SLC25A48: variants seen among roughly 807,000 people sequenced by gnomAD.
SLC25A48 encodes the protein solute carrier family 25 member 48, also known as CTC-321K16.1.
SLC25A48 carries 29 observed loss-of-function variants against 32.2 expected under a neutral mutation model. The observed-to-expected ratio is 0.90, with a 90% CI of 0.67 to 1.23. The LOEUF (loss-of-function observed/expected upper bound fraction) is 1.23. SLC25A48 is among the 50% of genes most tolerant of loss of function. The pLI, the probability that SLC25A48 is intolerant of heterozygous loss-of-function variation, is 0.00. For synonymous variants in SLC25A48, 164 were observed against 172.3 expected (o/e 0.95, Z 0.38); for missense variants, 399 against 422.7 (o/e 0.94, Z 0.49).
At chr5:135,675,923 G>A (rs1753759073) in intron 3 of SLC25A48, among the ~76,000 whole-genome samples, 2 of 151,728 alleles carry the variant, frequency 1.3e-5, no homozygotes, top group African/African-American at 4.8e-5. Context: ...TCACTTCCTT[G>A]GTTAAATTTA....
chr5:135,583,357 C>T (rs1432513380), intron 1 of SLC25A48, among the ~76,000 whole-genome samples: 1 of 152,008 alleles, frequency 6.6e-6, no homozygotes, highest in Non-Finnish European at 1.5e-5. Flanking sequence ...TGGGCACTAC[C>T]TCCTTGGTCT....
chr5:135,631,262 G>A (rs926780208), intron 2 of SLC25A48, among the ~76,000 whole-genome samples: 1 of 152,176 alleles, frequency 6.6e-6, no homozygotes, highest in Non-Finnish European at 1.5e-5. Flanking sequence ...TCTGTAAGAG[G>A]GGCTTCTTCA....
chr5:135,754,492 G>A, intron 3 of SLC25A48, among the ~76,000 whole-genome samples: 1 of 151,748 alleles, frequency 6.6e-6, no homozygotes, highest in East Asian at 1.9e-4. Flanking sequence ...TACACACTGT[G>A]ATATTAATAA....
At chr5:135,776,080 G>A (rs1299824702) in intron 3 of SLC25A48, among the ~76,000 whole-genome samples, 1 of 151,768 alleles carries the variant, frequency 6.6e-6, no homozygotes, top group Non-Finnish European at 1.5e-5. Flanking sequence ...TATCGCAGAA[G>A]GTGTACACGT....
intron 3 of SLC25A48, among the ~76,000 whole-genome samples, chr5:135,755,716 C>T (rs73789136): frequency 0.021 from 3,203 of 151,432 alleles, 123 homozygotes; most frequent in African/African-American, 0.074. Flanking sequence ...CTAGTGTCAA[C>T]GCACTATCTT....
intron 2 of SLC25A48, among the ~76,000 whole-genome samples, chr5:135,846,169 TGAGA>T (rs1224083135): frequency 2.1e-4 from 32 of 152,350 alleles, no homozygotes; most frequent in Non-Finnish European, 3.1e-4. Context: ...CCGCTCTTTA[TGAGA>T]ATCTGATGCC....
At chr5:135,594,477 G>GCACTTGATC (rs1367040455) in intron 1 of SLC25A48, among the ~76,000 whole-genome samples, 2 of 152,156 alleles carry the variant, frequency 1.3e-5, no homozygotes, top group African/African-American at 2.4e-5. Context: ...GTGACTTCTG[G>GCACTTGATC]CACTTGATCT....
chr5:135,592,196 G>A (rs186384580), intron 1 of SLC25A48, among the ~76,000 whole-genome samples: 3 of 152,306 alleles, frequency 2.0e-5, no homozygotes, highest in East Asian at 3.9e-4. Flanking sequence ...CCTGTCTCCT[G>A]GATTTGGTGA....
intron 3 of SLC25A48, among the ~76,000 whole-genome samples, chr5:135,705,647 A>G (rs1481846605): frequency 1.3e-5 from 2 of 152,232 alleles, no homozygotes; most frequent in East Asian, 1.9e-4. Flanking sequence ...GTACCTGTAT[A>G]TAGTTGGCTG....
chr5:135,707,583 G>C (rs181741290), intron 3 of SLC25A48, among the ~76,000 whole-genome samples: 200 of 152,236 alleles, frequency 1.3e-3, no homozygotes, highest in Non-Finnish European at 1.8e-3. Flanking sequence ...TGCACCTGCT[G>C]TTCCCTCTGC....
At chr5:135,646,224 C>G (rs368662083) in intron 3 of SLC25A48, among the ~76,000 whole-genome samples, 26 of 151,598 alleles carry the variant, frequency 1.7e-4, no homozygotes, top group African/African-American at 5.8e-4. Flanking sequence ...GGCATTCTCA[C>G]TGAGGACGCT....
chr5:135,805,438 G>T (rs1484730803), intron 3 of SLC25A48, among the ~76,000 whole-genome samples: 2 of 151,312 alleles, frequency 1.3e-5, no homozygotes, highest in Non-Finnish European at 3.0e-5. Flanking sequence ...TAACATCACA[G>T]TGGGTATACA....
intron 3 of SLC25A48, among the ~76,000 whole-genome samples, chr5:135,761,694 C>T (rs1266388690): frequency 1.3e-5 from 2 of 152,170 alleles, no homozygotes; most frequent in East Asian, 1.9e-4. Flanking sequence ...TCTCTTAAAC[C>T]GTATTCATGG....
At position 135,611,496 on chromosome 5, in the gene SLC25A48, C is replaced by CAAAAAAAAAAAAAAAA; in HGVS notation, c.-848-17725_-848-17710dup. Among the ~76,000 whole-genome samples, 158 of 21,324 alleles carry CAAAAAAAAAAAAAAAA rather than the reference C, an allele frequency of 7.4e-3. 8 individuals are homozygous for CAAAAAAAAAAAAAAAA. The highest frequency in any genetic ancestry group is 0.012 in the South Asian group (2 of 170). 14.0% of individuals were successfully genotyped at this position (21,324 alleles called of 152,430 possible). ...TCGGTGACAGAGCGAGACTCCATCT[C>CAAAAAAAAAAAAAAAA]AAAAAAAAAAAAAAAAAAAAAAAAA... On this transcript the variant is annotated intron_variant, in intron 1 of 10. Transcript: ENST00000646290.
At chr5:135,805,835 T>C (rs1757451814) in intron 3 of SLC25A48, among the ~76,000 whole-genome samples, 1 of 151,658 alleles carries the variant, frequency 6.6e-6, no homozygotes, top group Non-Finnish European at 1.5e-5. Context: ...TAGGGAGATA[T>C]TACTCCTAAT....
intron 3 of SLC25A48, among the ~76,000 whole-genome samples, chr5:135,638,245 A>G (rs1209907637): frequency 1.3e-5 from 2 of 152,222 alleles, no homozygotes; most frequent in African/African-American, 2.4e-5. Context: ...TAGATGTAAA[A>G]CTGATATTAG....
intron 6 of SLC25A48, among the ~76,000 whole-genome samples, chr5:135,878,451 A>G (rs922803436): frequency 6.6e-6 from 1 of 152,216 alleles, no homozygotes; most frequent in African/African-American, 2.4e-5. Context: ...GAGTGTTAAT[A>G]TTACCAGGAT....
chr5:135,678,953 C>A (rs1408719155), intron 3 of SLC25A48, among the ~76,000 whole-genome samples: 1 of 152,074 alleles, frequency 6.6e-6, no homozygotes, highest in Non-Finnish European at 1.5e-5. Context: ...TCCTTGGGCT[C>A]CAGGACAGTG....
chr5:135,587,924 C>G (rs1171070917), intron 1 of SLC25A48, among the ~76,000 whole-genome samples: 2 of 152,104 alleles, frequency 1.3e-5, no homozygotes, highest in Admixed American at 1.3e-4. Flanking sequence ...TGAAGGGAAA[C>G]CAGATGTGGA....
Sources: allele counts gnomAD v4.1 joint callset (sites outside exome capture counted in the v4.1 genomes callset), GRCh38; gene constraint gnomAD v4.1.1; transcripts MANE v1.5; gene names NCBI Gene and HGNC (gene_info 2026-07-23, HGNC 2026-07-21).